The following CDH8 variants were observed in gnomAD, a reference collection of about 807,000 sequenced individuals.
CDH8 encodes the protein cadherin-8.
A neutral mutation model predicts 68.1 loss-of-function variants in CDH8; 17 were observed. The ratio of observed to expected loss-of-function variants is 0.25; its 90% CI spans 0.17 to 0.37. The LOEUF (loss-of-function observed/expected upper bound fraction) is 0.37, where lower values mean the gene tolerates loss of function less well. Among genes scored for constraint, CDH8 ranks in the 10% least tolerant of loss-of-function variants. CDH8 has a pLI of 1.00. For missense variants in CDH8, 763 were observed against 999.3 expected (o/e 0.76, Z 3.19); for synonymous variants, 372 against 365.1 (o/e 1.02, Z -0.21).
At chr16:61,977,912 A>T (rs116011857) in intron 2 of CDH8, among the ~76,000 whole-genome samples, 234 of 151,958 alleles carry the variant, frequency 1.5e-3, no homozygotes, top group African/African-American at 5.3e-3. Flanking sequence ...CATTCAGTAC[A>T]TATCCGCTTT....
At chr16:61,768,367 T>TCTCTCTCTCTCTCTCTCTCC (rs1567461178) in intron 8 of CDH8, among the ~76,000 whole-genome samples, 5 of 80,642 alleles carry the variant, frequency 6.2e-5, no homozygotes, top group Admixed American at 1.3e-4. Context: ...TCTCTCTCTC[T>TCTCTCTCTCTCTCTCTCTCC]CCCTTTCTCT....
chr16:61,777,533 C>A (rs963432673), intron 8 of CDH8, among the ~76,000 whole-genome samples: 2 of 152,016 alleles, frequency 1.3e-5, no homozygotes, highest in African/African-American at 4.8e-5. Flanking sequence ...ACACTGACAT[C>A]CTAAAGGAAT....
rs577538725 is a variant in CDH8, at chr16:61,750,044, A to C, written c.1415-22829T>G. ...CATAGTATTCAATAGCTGGTTTTTC[A>C]ACCCTTTGTCCCCCTGTCTCCCTCC... On this transcript the variant is annotated intron_variant, in intron 8 of 11. Transcript: ENST00000577390. Among the ~76,000 whole-genome samples the C allele has an allele frequency of 1.9e-4, 29 of 152,104 alleles. No individual in the cohort carries two copies. In the East Asian group the frequency reaches 5.4e-3, roughly 28 times the overall value.
chr16:61,965,377 G>A (rs953146166), intron 2 of CDH8, among the ~76,000 whole-genome samples: 2 of 152,140 alleles, frequency 1.3e-5, no homozygotes, highest in East Asian at 1.9e-4. Context: ...CTGGGATCAC[G>A]TCCACTGCTG....
rs939900356 is a variant in CDH8, at chr16:61,828,398, A to G, written c.668-3219T>C. ...TTACTTTCTTAATAAACTTGCTTTC[A>G]CTATTCTACAGACTTGCCCTGACTT... On this transcript the variant is annotated intron_variant, in intron 4 of 11. Transcript: ENST00000577390. Among the ~76,000 whole-genome samples the G allele has an allele frequency of 3.3e-5, 5 of 152,032 alleles. No individual in the cohort carries two copies. The East Asian group carries it at 7.8e-4, about 24-fold the overall frequency.
chr16:61,891,606 C>G (rs1963779587), intron 3 of CDH8, among the ~76,000 whole-genome samples: 1 of 152,086 alleles, frequency 6.6e-6, no homozygotes, highest in Non-Finnish European at 1.5e-5. Context: ...CATCAACTGC[C>G]TACATATCTC....
chr16:61,983,670 T>G (rs1597107715), intron 2 of CDH8, among the ~76,000 whole-genome samples: 1 of 152,314 alleles, frequency 6.6e-6, no homozygotes, highest in African/African-American at 2.4e-5. Context: ...AATTTTAATT[T>G]GCATGTCATC....
intron 10 of CDH8, among the ~76,000 whole-genome samples, chr16:61,665,754 TCC>T (rs1190623741): frequency 2.1e-5 from 1 of 47,088 alleles, no homozygotes; most frequent in Non-Finnish European, 4.4e-5. Context: ...GAATTTATTT[TCC>T]TTCCTTCCTT....
At chr16:61,857,920 G>A (rs1277784906) in intron 3 of CDH8, among the ~76,000 whole-genome samples, 1 of 151,890 alleles carries the variant, frequency 6.6e-6, no homozygotes, top group Non-Finnish European at 1.5e-5. Flanking sequence ...TACCCTGTAG[G>A]AAATAGGGAA....
intron 8 of CDH8, among the ~76,000 whole-genome samples, chr16:61,735,454 A>G (rs900361792): frequency 1.3e-5 from 2 of 152,158 alleles, no homozygotes; most frequent in Non-Finnish European, 2.9e-5. Flanking sequence ...TAAGTACCCC[A>G]TAACTCTCTC....
Position 62,015,444 on chromosome 16 carries a change from A to G in CDH8, c.252+5708T>C, listed in dbSNP as rs72785600. Among the ~76,000 whole-genome samples, 197 of 152,152 alleles carry G rather than the reference A, an allele frequency of 1.3e-3. 1 individual carries two copies. The highest frequency in any genetic ancestry group is 2.4e-3 in the Non-Finnish European group (164 of 67,998). ...GTATTCCAGTTCCATAGGGGTTTGT[A>G]TCTTAAATATATAATATCTTAATCC... is the stretch of plus-strand genomic sequence containing the variant. On this transcript the variant is annotated intron_variant, in intron 2 of 11. Coordinates refer to ENST00000577390, the MANE Select transcript of CDH8 (RefSeq NM_001796.5).
At chr16:62,021,018 G>T (rs933063027) in intron 2 of CDH8, 134 bp downstream of exon 2, 2 of 764,682 alleles carry the variant, frequency 2.6e-6, no homozygotes, top group African/African-American at 1.8e-5. Context: ...CTAACAGAAC[G>T]ACAGGTAAAC....
chr16:61,691,909 C>T (rs896991309), intron 10 of CDH8: 5 of 152,040 alleles, frequency 3.3e-5, no homozygotes, highest in Non-Finnish European at 5.9e-5. Context: ...CCTATTTAGA[C>T]ATTAATAATG....
intron 8 of CDH8, among the ~76,000 whole-genome samples, chr16:61,788,861 C>CA (rs1596969084): frequency 6.6e-6 from 1 of 151,650 alleles, no homozygotes; most frequent in South Asian, 2.1e-4. Flanking sequence ...CTAAAAAAAA[C>CA]AAAAAATTAT....
At chr16:61,864,855 G>A (rs1265383776) in intron 3 of CDH8, among the ~76,000 whole-genome samples, 1 of 152,142 alleles carries the variant, frequency 6.6e-6, no homozygotes, top group African/African-American at 2.4e-5. Flanking sequence ...GTAATGTCAA[G>A]CTGATAACAG....
At chr16:61,889,221 A>G (rs1444511179) in intron 3 of CDH8, among the ~76,000 whole-genome samples, 9 of 152,270 alleles carry the variant, frequency 5.9e-5, no homozygotes, top group East Asian at 5.8e-4. Context: ...ATATACAAAT[A>G]TATATATACA....
intron 3 of CDH8, among the ~76,000 whole-genome samples, chr16:61,883,718 A>C (rs1963620117): frequency 6.6e-6 from 1 of 151,526 alleles, no homozygotes; most frequent in Admixed American, 6.6e-5. Flanking sequence ...GGTGGATTCA[A>C]TGCTCTGACC....
intron 2 of CDH8, among the ~76,000 whole-genome samples, chr16:61,999,768 G>GA (rs943965087): frequency 6.8e-4 from 101 of 149,152 alleles, no homozygotes; most frequent in African/African-American, 1.5e-3. Context: ...AATGTTCTTT[G>GA]AAAAAAAAAA....
intron 8 of CDH8, among the ~76,000 whole-genome samples, chr16:61,782,889 A>C (rs1033727752): frequency 2.8e-4 from 43 of 152,274 alleles, no homozygotes; most frequent in Non-Finnish European, 4.1e-4. Context: ...CTGTGTTAGA[A>C]GGAAAACTAA....
Sources: allele counts gnomAD v4.1 joint callset (sites outside exome capture counted in the v4.1 genomes callset), GRCh38; gene constraint gnomAD v4.1.1; transcripts MANE v1.5; gene names NCBI Gene and HGNC (gene_info 2026-07-23, HGNC 2026-07-21).